VASH2: variants seen among roughly 807,000 people sequenced by gnomAD.
VASH2 encodes vasohibin 2.
A neutral mutation model predicts 37.2 loss-of-function variants in VASH2; 28 were observed. The ratio of observed to expected loss-of-function variants is 0.75; its 90% CI spans 0.56 to 1.03. VASH2 has a LOEUF of 1.03. Ranked by LOEUF, VASH2 falls within the 50% of genes least tolerant of loss-of-function variation. The pLI, the probability that VASH2 is intolerant of heterozygous loss-of-function variation, is 0.00. For synonymous variants in VASH2, 188 were observed against 174.7 expected, an observed-to-expected ratio of 1.08 and a Z score of -0.60; for missense variants, 419 against 459.1, an observed-to-expected ratio of 0.91 and a Z score of 0.80.
intron 4 of VASH2, 37 bp downstream of exon 4, chr1:212,965,815 C>T (rs999176064): frequency 1.5e-5 from 23 of 1,533,136 alleles, no homozygotes; most frequent in Admixed American, 1.2e-4. Flanking sequence ...GATGACCTCT[C>T]TCCTACATTC....
intron 4 of VASH2, 119 bp downstream of exon 4, chr1:212,965,897 G>A (rs1327323518): frequency 6.7e-6 from 7 of 1,038,362 alleles, no homozygotes; most frequent in South Asian, 3.0e-5. Flanking sequence ...TGTAAGGGGT[G>A]GAGGCGGAGG....
chr1:212,991,086 C>CA lies in VASH2; in HGVS notation c.*2505dup, dbSNP rs1216588384. ...GTTTAAGCCATCATGGCAATATATG[C>CA]AAAGTTTAAATGAATGACAGAAATC... On this transcript the variant is annotated 3_prime_UTR_variant, in exon 8 of 8. Coordinates refer to ENST00000517399, the MANE Select transcript of VASH2 (RefSeq NM_001301056.2). 6.6e-6 allele frequency: 1 copy of CA among 152,142 alleles called. No homozygotes were observed. Among genetic ancestry groups the CA allele is most frequent in the East Asian group, 1.9e-4 (1 of 5,202 alleles). The allele number at this position is 152,142 out of a possible 1,614,324, so 9.4% of individuals were successfully genotyped here.
intron 7 of VASH2, among the ~76,000 whole-genome samples, chr1:212,978,027 G>C (rs1005797886): frequency 6.6e-5 from 10 of 152,184 alleles, no homozygotes; most frequent in African/African-American, 2.4e-4. Context: ...TGTGATTTAG[G>C]GGCTCAGCCT....
intron 5 of VASH2, chr1:212,968,199 C>A (rs769321007): frequency 3.6e-5 from 35 of 985,064 alleles, no homozygotes; most frequent in Non-Finnish European, 4.2e-5. Context: ...ACTGGAAATG[C>A]GAATTTAGGA....
intron 3 of VASH2, among the ~76,000 whole-genome samples, chr1:212,964,679 GA>G (rs1026525378): frequency 1.3e-5 from 2 of 152,004 alleles, no homozygotes; most frequent in Admixed American, 6.6e-5. Context: ...GCATAGGCAT[GA>G]AAAAAAGTGA....
chr1:212,955,331 T>C (rs2102618515), intron 2 of VASH2, among the ~76,000 whole-genome samples: 2 of 152,284 alleles, frequency 1.3e-5, no homozygotes, highest in Middle Eastern at 6.8e-3. Flanking sequence ...GGTCCAGATA[T>C]CCCCATCTTG....
rs756947086 is a variant in VASH2, at chr1:212,973,008, CA to C, written c.879+48del. 3 of 1,574,494 alleles carry C rather than the reference CA, an allele frequency of 1.9e-6. No individual in the cohort carries two copies. In the East Asian group the frequency reaches 6.7e-5, roughly 35 times the overall value. On this transcript the variant is annotated intron_variant, in intron 6 of 7. Coordinates refer to ENST00000517399, the MANE Select transcript of VASH2 (RefSeq NM_001301056.2). ...AAGCCATGCAGGAGAGCTCTTTTCC[CA>C]TTCCTTTCTCTCTGTCTCTTGCTCC...
chr1:212,966,656 G>A (rs1426930627), intron 5 of VASH2, among the ~76,000 whole-genome samples: 1 of 152,232 alleles, frequency 6.6e-6, no homozygotes, highest in East Asian at 1.9e-4. Flanking sequence ...ACTAGAGAGA[G>A]TGTGTATGTG....
At chr1:212,956,009 C>T (rs1327263725) in intron 2 of VASH2, among the ~76,000 whole-genome samples, 1 of 152,230 alleles carries the variant, frequency 6.6e-6, no homozygotes, top group African/African-American at 2.4e-5. Context: ...GATTCTTCTG[C>T]CTGGTGCCTG....
intron 2 of VASH2, among the ~76,000 whole-genome samples, chr1:212,957,321 G>A (rs568930459): frequency 6.6e-6 from 1 of 152,234 alleles, no homozygotes; most frequent in Admixed American, 6.5e-5. Context: ...CCACCTTTGG[G>A]GGCCATTTTT....
intron 5 of VASH2, chr1:212,968,652 A>T: frequency 8.1e-6 from 8 of 985,596 alleles, no homozygotes; most frequent in Non-Finnish European, 9.6e-6. Flanking sequence ...GTGCCTGGGG[A>T]ACCCAGCAGG....
At chr1:212,973,708 G>A (rs1045324155) in intron 6 of VASH2, 139 of 1,291,926 alleles carry the variant, frequency 1.1e-4, no homozygotes, top group Non-Finnish European at 1.1e-4. Flanking sequence ...CTCTCTACAC[G>A]GCACAGGGAG....
rs2075821437 is a variant in VASH2, at chr1:212,988,506, C to T, written c.996-6C>T. The T allele has an allele frequency of 6.2e-7, 1 of 1,613,942 alleles. No individual in the cohort carries two copies. The highest frequency in any genetic ancestry group is 1.1e-5 in the South Asian group (1 of 91,074). ...CCTCCACCATATTTCTGTCTTTTAC[C>T]CTTAGGCCTGCACTGCCTGAAAAGA... is the stretch of plus-strand genomic sequence containing the variant. On this transcript the variant is annotated splice_polypyrimidine_tract_variant and splice_region_variant and intron_variant, in intron 7 of 7. Coordinates refer to ENST00000517399, the MANE Select transcript of VASH2 (RefSeq NM_001301056.2).
rs1226391896 is a variant in VASH2, at chr1:212,990,033, T to G, written c.*1449T>G. ...CTCAGTGCATCTCCTCTGGCTTTCT[T>G]TGACTGAAGGTGTTTATAGGAAGGA... On this transcript the variant is annotated 3_prime_UTR_variant, in exon 8 of 8. Transcript: ENST00000517399. The G allele has an allele frequency of 1.3e-5, 2 of 152,080 alleles. No individual in the cohort carries two copies. The highest frequency in any genetic ancestry group is 2.4e-5 in the African/African-American group (1 of 41,400). The allele number at this position is 152,080 out of a possible 1,614,324, so 9.4% of individuals were successfully genotyped here.
Position 212,972,808 on chromosome 1 carries a change from A to C in VASH2, c.726A>C (p.Thr242=), listed in dbSNP as rs1480930302. ...FEDSYKKYLH[T]VKKVKIGLYV... ...ACTCTTACAAGAAATACCTGCACAC[A>C]GTCAAGAAGGTCAAGATTGGGCTGT... The change falls in exon 6 of 8, where the codon ACA becomes ACC. Residue 242 remains threonine, a synonymous_variant. Coordinates refer to ENST00000517399, the MANE Select transcript of VASH2 (RefSeq NM_001301056.2). 2 of 1,614,238 alleles carry C rather than the reference A, an allele frequency of 1.2e-6. No homozygotes were observed.
intron 7 of VASH2, among the ~76,000 whole-genome samples, chr1:212,981,410 C>CTGAGGCCA (rs566324734): frequency 3.3e-5 from 5 of 152,314 alleles, no homozygotes; most frequent in African/African-American, 1.2e-4. Flanking sequence ...GTCCGTCCAG[C>CTGAGGCCA]TGAGGCCATG....
intron 4 of VASH2, 171 bp downstream of exon 4, chr1:212,965,949 A>G: frequency 1.6e-6 from 1 of 644,320 alleles, no homozygotes; most frequent in East Asian, 2.7e-5. Flanking sequence ...AGGACTGAGC[A>G]ACTCTGACAG....
At chr1:212,974,527 T>C (rs1194071133) in intron 7 of VASH2, 2 of 152,480 alleles carry the variant, frequency 1.3e-5, no homozygotes, top group South Asian at 2.1e-4. Flanking sequence ...TTACCATCAG[T>C]GGACGGTGGC....
chr1:212,964,943 C>T (rs1666794927), intron 3 of VASH2, among the ~76,000 whole-genome samples: 1 of 141,510 alleles, frequency 7.1e-6, no homozygotes, highest in Admixed American at 7.2e-5. Flanking sequence ...TTTTTTTAGA[C>T]AGAATATCAC....
Sources: allele counts gnomAD v4.1 joint callset (sites outside exome capture counted in the v4.1 genomes callset), GRCh38; gene constraint gnomAD v4.1.1; transcripts MANE v1.5; gene names NCBI Gene and HGNC (gene_info 2026-07-23, HGNC 2026-07-21).